GRID1: variants seen among roughly 807,000 people sequenced by gnomAD.
GRID1 encodes glutamate ionotropic receptor delta type subunit 1.
In GRID1, 28 loss-of-function variants were observed where a neutral mutation model predicts 98.0. The observed-to-expected ratio is 0.29, with a 90% CI of 0.21 to 0.39. GRID1 has a LOEUF of 0.39. Among genes scored for constraint, GRID1 ranks in the 10% least tolerant of loss-of-function variants. The pLI is 1.00. For synonymous variants in GRID1, 553 were observed against 538.5 expected (o/e 1.03, Z -0.37); for missense variants, 1,111 against 1,340.5 (o/e 0.83, Z 2.67).
chr10:86,308,821 AG>A (rs1205586638), intron 2 of GRID1, among the ~76,000 whole-genome samples: 1 of 152,154 alleles, frequency 6.6e-6, no homozygotes, highest in African/African-American at 2.4e-5. Context: ...AGAGCACGAG[AG>A]GGCCTACCTC....
intron 4 of GRID1, among the ~76,000 whole-genome samples, chr10:85,995,892 C>G (rs1842733868): frequency 1.3e-5 from 2 of 152,218 alleles, no homozygotes; most frequent in South Asian, 4.1e-4. Context: ...CACTCCTGAG[C>G]TGCTCATACG....
chr10:85,793,379 T>C (rs1842498277), intron 8 of GRID1, among the ~76,000 whole-genome samples: 1 of 152,210 alleles, frequency 6.6e-6, no homozygotes, highest in Non-Finnish European at 1.5e-5. Flanking sequence ...CACTTTCTCT[T>C]CTGGAGTCTC....
At chr10:86,109,327 T>C (rs1339073403) in intron 4 of GRID1, among the ~76,000 whole-genome samples, 3 of 152,226 alleles carry the variant, frequency 2.0e-5, no homozygotes, top group Non-Finnish European at 4.4e-5. Context: ...GAAGATGATA[T>C]GCTCCCGCCA....
intron 4 of GRID1, among the ~76,000 whole-genome samples, chr10:86,089,523 A>G (rs1319076912): frequency 6.6e-6 from 1 of 152,234 alleles, no homozygotes; most frequent in Non-Finnish European, 1.5e-5. Context: ...CCAGGTTTCA[A>G]ATGAAGATCA....
intron 14 of GRID1, among the ~76,000 whole-genome samples, chr10:85,619,562 G>GT (rs1410145099): frequency 1.3e-5 from 2 of 152,092 alleles, no homozygotes; most frequent in African/African-American, 4.8e-5. Context: ...GTGAGATGCC[G>GT]TTTTCTCCCT....
intron 4 of GRID1, among the ~76,000 whole-genome samples, chr10:86,034,988 G>GA (rs554680288): frequency 9.4e-4 from 143 of 152,158 alleles, no homozygotes; most frequent in African/African-American, 3.3e-3. Context: ...TGGGTGGATG[G>GA]ATAAGTATAC....
chr10:85,767,820 A>G (rs538879873), intron 8 of GRID1, among the ~76,000 whole-genome samples: 1 of 152,316 alleles, frequency 6.6e-6, no homozygotes, highest in South Asian at 2.1e-4. Context: ...ATCATTTGGC[A>G]GAAGTTGAAA....
At chr10:86,085,645 C>A (rs1252635288) in intron 4 of GRID1, among the ~76,000 whole-genome samples, 1 of 152,092 alleles carries the variant, frequency 6.6e-6, no homozygotes, top group Non-Finnish European at 1.5e-5. Context: ...GGGAACATCT[C>A]CTTTATTTCC....
At chr10:86,149,675 G>C (rs953517461) in intron 3 of GRID1, among the ~76,000 whole-genome samples, 1 of 152,208 alleles carries the variant, frequency 6.6e-6, no homozygotes, top group Non-Finnish European at 1.5e-5. Context: ...TAAGTGCTTT[G>C]AATTAAGTAA....
intron 4 of GRID1, among the ~76,000 whole-genome samples, chr10:85,957,453 G>A (rs545302964): frequency 2.7e-4 from 41 of 152,172 alleles, no homozygotes; most frequent in Non-Finnish European, 4.1e-4. Context: ...TGTTCCCCCC[G>A]GTTGTATTAG....
At chr10:86,065,490 T>C (rs983358606) in intron 4 of GRID1, among the ~76,000 whole-genome samples, 1 of 152,244 alleles carries the variant, frequency 6.6e-6, no homozygotes, top group Non-Finnish European at 1.5e-5. Flanking sequence ...CCCAGCCACA[T>C]GCATTCAAAT....
intron 15 of GRID1, chr10:85,606,025 T>C (rs766289315): frequency 8.5e-5 from 13 of 152,182 alleles, no homozygotes; most frequent in Non-Finnish European, 1.6e-4. Context: ...AACGTGGTGG[T>C]GGGGAGTGGA....
In GRID1 at chr10:86,348,221, TGTACAGGCCTGGGA is replaced by T. The variant is rs540191133; in HGVS notation, c.235+15706_235+15719del. ...CTCCACCCCTGCATGTGCCTAGGCC[TGTACAGGCCTGGGA>T]GTCCCAAGATGAGGAGTTCATGGTG... is the stretch of plus-strand genomic sequence containing the variant. On this transcript the variant is annotated intron_variant, in intron 2 of 15. Coordinates refer to ENST00000327946, the MANE Select transcript of GRID1 (RefSeq NM_017551.3). 1.5e-3 allele frequency among the ~76,000 whole-genome samples: 230 copies of T among 152,298 alleles called. 3 individuals carry two copies. Among genetic ancestry groups the T allele is most frequent in the African/African-American group, 5.1e-3 (212 of 41,546 alleles).
chr10:86,177,680 T>C (rs1845595444), intron 3 of GRID1, among the ~76,000 whole-genome samples: 2 of 150,408 alleles, frequency 1.3e-5, no homozygotes, highest in Non-Finnish European at 3.0e-5. Flanking sequence ...CCATTTGGTG[T>C]GTATGAGAGA....
At chr10:85,842,923 T>A (rs1219727462) in intron 8 of GRID1, among the ~76,000 whole-genome samples, 1 of 151,974 alleles carries the variant, frequency 6.6e-6, no homozygotes, top group African/African-American at 2.4e-5. Flanking sequence ...AAAGCAGATA[T>A]GATAGTACAA....
chr10:86,102,762 C>T (rs1844315781), intron 4 of GRID1, among the ~76,000 whole-genome samples: 1 of 151,962 alleles, frequency 6.6e-6, no homozygotes, highest in Non-Finnish European at 1.5e-5. Context: ...ACTGCGAGGC[C>T]TATGGAAGGG....
At chr10:85,784,274 C>G (rs1229664713) in intron 8 of GRID1, among the ~76,000 whole-genome samples, 1 of 152,190 alleles carries the variant, frequency 6.6e-6, no homozygotes, top group African/African-American at 2.4e-5. Context: ...CTTTGCTCAT[C>G]TCTGAGGCTC....
At chr10:85,727,828 C>T (rs1389288898) in intron 10 of GRID1, 27 bp downstream of exon 10, 1 of 1,567,144 alleles carries the variant, frequency 6.4e-7, no homozygotes, top group South Asian at 1.1e-5. Flanking sequence ...GGGTGCCCCT[C>T]CCCCTGGATC....
intron 5 of GRID1, among the ~76,000 whole-genome samples, chr10:85,895,652 A>C (rs1221582049): frequency 1.3e-5 from 2 of 152,176 alleles, no homozygotes; most frequent in African/African-American, 2.4e-5. Context: ...CAAAAACCTA[A>C]TGGTTAACAG....
Sources: allele counts gnomAD v4.1 joint callset (sites outside exome capture counted in the v4.1 genomes callset), GRCh38; gene constraint gnomAD v4.1.1; transcripts MANE v1.5; gene names NCBI Gene and HGNC (gene_info 2026-07-23, HGNC 2026-07-21).